The following TPO variants were observed in gnomAD, a reference collection of about 807,000 sequenced individuals.
TPO encodes the protein thyroid peroxidase.
TPO carries 78 observed loss-of-function variants against 96.9 expected under a neutral mutation model. That is an observed-to-expected ratio of 0.81 (90% CI 0.67 to 0.97). The LOEUF (loss-of-function observed/expected upper bound fraction) is 0.97, where lower values mean the gene tolerates loss of function less well. Ranked by LOEUF, TPO falls within the 50% of genes least tolerant of loss-of-function variation. The pLI is 0.00. For missense variants in TPO, 1,252 were observed against 1,274.8 expected (o/e 0.98, Z 0.27); for synonymous variants, 547 against 538.0 (o/e 1.02, Z -0.23).
Position 1,487,846 on chromosome 2 carries a change from C to T in TPO, c.1623C>T (p.Gly541=). The change falls in exon 10 of 17, where the codon GGC becomes GGT. Residue 541 remains glycine, a synonymous_variant. Transcript: ENST00000329066. ...RGGGLDPLIR[G]LLARPAKLQV... ...GTGGTTTGGACCCACTAATACGAGG[C>T]CTTCTTGCAAGACCAGCCAAACTGC... 3 of 1,614,236 alleles carry T rather than the reference C, an allele frequency of 1.9e-6. No individual in the cohort carries two copies. The highest frequency in any genetic ancestry group is 2.5e-6 in the Non-Finnish European group (3 of 1,180,038).
intron 7 of TPO, among the ~76,000 whole-genome samples, chr2:1,460,587 A>T (rs901337945): frequency 3.9e-5 from 6 of 152,334 alleles, no homozygotes; most frequent in Admixed American, 1.3e-4. Context: ...TTGTCCATAA[A>T]AAGAGTATAT....
At chr2:1,375,228 T>C (rs1213129804) in intron 1 of TPO, among the ~76,000 whole-genome samples, 1 of 150,978 alleles carries the variant, frequency 6.6e-6, no homozygotes, top group Non-Finnish European at 1.5e-5. Context: ...AGAGATGGGC[T>C]CGACTCAGAC....
chr2:1,408,581 T>A (rs1415062438), upstream of TPO, among the ~76,000 whole-genome samples: 1 of 152,174 alleles, frequency 6.6e-6, no homozygotes, highest in East Asian at 1.9e-4. Context: ...GATGTGTAGT[T>A]AAAGCCATGT....
chr2:1,525,702 G>C (rs73178571), intron 15 of TPO, among the ~76,000 whole-genome samples: 28,827 of 28,846 alleles, frequency 1, 14,410 homozygotes, highest in Middle Eastern at 1. Flanking sequence ...CCCCGACTCT[G>C]TGCAAACTCC....
intron 1 of TPO, among the ~76,000 whole-genome samples, chr2:1,401,313 G>A (rs1662167881): frequency 6.6e-6 from 1 of 152,210 alleles, no homozygotes; most frequent in Admixed American, 6.5e-5. Context: ...AGAAGAGCGA[G>A]GGCAGTGACC....
chr2:1,394,264 AT>A (rs1195722973), intron 1 of TPO, among the ~76,000 whole-genome samples: 1 of 152,192 alleles, frequency 6.6e-6, no homozygotes, highest in Non-Finnish European at 1.5e-5. Context: ...CATTTCAGCT[AT>A]TTTTTCCTGT....
chr2:1,390,733 G>A (rs1661986941), intron 1 of TPO, among the ~76,000 whole-genome samples: 1 of 152,226 alleles, frequency 6.6e-6, no homozygotes. Context: ...TAACTGGCAT[G>A]AGATGGTATT....
rs201726995 is a variant in TPO at position 1,526,689 on chromosome 2, C to CA, written c.2618+9707_2618+9708insA. On this transcript the variant is annotated intron_variant, in intron 15 of 16. Coordinates refer to ENST00000329066, the MANE Select transcript of TPO (RefSeq NM_001206744.2). ...CAAACTGTGTTCATCCTCCCCAAAT[C>CA]CCCCCCCCACTGTATGCAACCTCCC... 5.1e-3 allele frequency among the ~76,000 whole-genome samples: 264 copies of CA among 51,708 alleles called. 5 individuals are homozygous for CA. Among genetic ancestry groups the CA allele is most frequent in the African/African-American group, 0.02 (237 of 11,576 alleles). The allele number at this position is 51,708 out of a possible 152,430, so 33.9% of individuals were successfully genotyped here. A position where few individuals can be genotyped will look rare whatever the true frequency, so the allele number is the denominator to read the frequency against.
At chr2:1,472,386 G>T (rs987585525) in intron 7 of TPO, among the ~76,000 whole-genome samples, 1 of 152,124 alleles carries the variant, frequency 6.6e-6, no homozygotes, top group Non-Finnish European at 1.5e-5. Context: ...GAGTGGTCAC[G>T]GTGTGCCCTT....
At chr2:1,447,286 G>A (rs1054732804) in intron 5 of TPO, among the ~76,000 whole-genome samples, 1 of 152,170 alleles carries the variant, frequency 6.6e-6, no homozygotes. Flanking sequence ...CACAACCTGT[G>A]TCTTAACCCA....
At chr2:1,438,796 TGC>T (rs1665866863) in intron 5 of TPO, 2 of 669,492 alleles carry the variant, frequency 3.0e-6, no homozygotes, top group South Asian at 3.3e-5. Context: ...TTTTTTTTTT[TGC>T]AAATGCCTGG....
intron 4 of TPO, 78 bp downstream of exon 4, chr2:1,433,685 G>A: frequency 1.3e-6 from 2 of 1,538,816 alleles, no homozygotes; most frequent in Non-Finnish European, 1.8e-6. Context: ...GGGGCTGCTT[G>A]CTCAGGGCAT....
intron 15 of TPO, among the ~76,000 whole-genome samples, chr2:1,528,741 A>T (rs1238359838): frequency 7.8e-5 from 9 of 114,778 alleles, no homozygotes; most frequent in African/African-American, 3.4e-4. Flanking sequence ...ACCTCCCCAA[A>T]TCCCCCACAC....
chr2:1,537,116 T>A (rs1679910120), intron 15 of TPO, among the ~76,000 whole-genome samples: 1 of 67,130 alleles, frequency 1.5e-5, no homozygotes, highest in Non-Finnish European at 2.7e-5. Context: ...CCTCCCTAGA[T>A]CCCCCCTATG....
At position 1,516,980 on chromosome 2, in the gene TPO, G is replaced by A. The variant is rs978970462; in HGVS notation, c.2616G>A (p.Arg872=). The A allele has an allele frequency of 1.9e-6, 3 of 1,613,856 alleles. No homozygotes were observed. The highest frequency in any genetic ancestry group is 1.7e-6 in the Non-Finnish European group (2 of 1,180,020). Residue 872 remains arginine, a splice_region_variant and synonymous_variant, in exon 15 of 17, where the codon AGG becomes AGA. Coordinates refer to ENST00000329066, the MANE Select transcript of TPO (RefSeq NM_001206744.2). ...GTCTCACCTCGACGGTGATTTGCAG[G>A]TGGTAAGTCCTTCACTTTTTGACTG... ...FAGLTSTVIC[R]WTRTGTKSTL... is the part of the protein sequence containing the mutation.
intron 7 of TPO, among the ~76,000 whole-genome samples, chr2:1,465,599 G>T (rs1436464957): frequency 6.6e-6 from 1 of 152,018 alleles, no homozygotes; most frequent in Non-Finnish European, 1.5e-5. Flanking sequence ...AGTTTTCCTT[G>T]TAGAGGTCTT....
chr2:1,379,454 C>T (rs1410837757), intron 1 of TPO, among the ~76,000 whole-genome samples: 1 of 152,158 alleles, frequency 6.6e-6, no homozygotes, highest in African/African-American at 2.4e-5. Flanking sequence ...TCAAGCCAGG[C>T]TGATCACGAG....
At chr2:1,387,255 C>G (rs1487925729) in intron 1 of TPO, among the ~76,000 whole-genome samples, 43 of 152,118 alleles carry the variant, frequency 2.8e-4, no homozygotes, top group Admixed American at 2.6e-3. Flanking sequence ...TGAATGTTGG[C>G]CTGCCTTGCT....
chr2:1,542,225 C>T (rs1680847205), intron 16 of TPO, 196 bp from the exon 17 acceptor site: 1 of 718,088 alleles, frequency 1.4e-6, no homozygotes, highest in Non-Finnish European at 2.3e-6. Context: ...TCCTCTGTGG[C>T]CTCCTGCAAA....
Sources: gnomAD v4.1 joint callset for allele counts (sites outside exome capture counted in the v4.1 genomes callset) on GRCh38, gnomAD v4.1.1 for gene constraint, MANE v1.5 for transcripts, NCBI Gene and HGNC (gene_info 2026-07-23, HGNC 2026-07-21) for gene names.